ZNF540: variants seen among roughly 807,000 people sequenced by gnomAD.
The protein encoded by ZNF540 is zinc finger protein 540, also known as CTD-3064H18.6.
ZNF540 carries 3 observed loss-of-function variants against 11.8 expected under a neutral mutation model. That is an observed-to-expected ratio of 0.25 (90% CI 0.12 to 0.65). The LOEUF is 0.65. ZNF540 is among the 30% of genes least tolerant of loss of function. ZNF540 has a pLI of 0.83. For missense variants in ZNF540, 709 were observed against 793.1 expected, an observed-to-expected ratio of 0.89 and a Z score of 1.27; for synonymous variants, 247 against 259.0, an observed-to-expected ratio of 0.95 and a Z score of 0.45.
upstream of ZNF540, chr19:37,594,653 C>T (rs2043965008): frequency 6.6e-6 from 1 of 152,354 alleles, no homozygotes; most frequent in African/African-American, 2.4e-5. Flanking sequence ...AGCCAGGACA[C>T]CGGTATTCCC....
At chr19:37,573,239 C>T (rs545904503) in intron 1 of ZNF540, among the ~76,000 whole-genome samples, 1 of 152,222 alleles carries the variant, frequency 6.6e-6, no homozygotes, top group South Asian at 2.1e-4. Context: ...ACATAGCAGC[C>T]TCCAGGCAAT....
intron 1 of ZNF540, among the ~76,000 whole-genome samples, chr19:37,567,137 T>TC (rs1164998556): frequency 6.6e-6 from 1 of 152,180 alleles, no homozygotes; most frequent in East Asian, 1.9e-4. Context: ...TATCAAAACA[T>TC]CCAACACATA....
chr19:37,592,370 C>A (rs1434567737), upstream of ZNF540, among the ~76,000 whole-genome samples: 1 of 152,172 alleles, frequency 6.6e-6, no homozygotes, highest in East Asian at 1.9e-4. Context: ...TTTTTAGATA[C>A]TTTTCTCTAA....
intron 2 of ZNF540, among the ~76,000 whole-genome samples, chr19:37,599,186 A>C (rs2044019791): frequency 6.6e-6 from 1 of 151,548 alleles, no homozygotes; most frequent in Non-Finnish European, 1.5e-5. Flanking sequence ...ATCGATAGAT[A>C]GATAGATAGA....
chr19:37,612,932 A>T lies in ZNF540; in HGVS notation c.1652A>T (p.Tyr551Phe). 6.2e-7 allele frequency: 1 copy of T among 1,614,188 alleles called. No individual in the cohort carries two copies. Among genetic ancestry groups the T allele is most frequent in the Non-Finnish European group, 8.5e-7 (1 of 1,180,006 alleles). ...HLKIHSGLKP[Y>F]DCKECGKSFS... is the part of the protein sequence containing the mutation. ...AAAATTCATTCTGGTTTAAAACCCT[A>T]TGACTGTAAAGAATGTGGGAAGTCC... Residue 551 changes from tyrosine to phenylalanine, a missense_variant, in exon 5 of 5, where the codon TAT becomes TTT. Tyr to Phe is a conservative substitution (Grantham distance 22, BLOSUM62 3). Transcript: ENST00000316433.
At chr19:37,552,984 C>T (rs75321081) in intron 1 of ZNF540, among the ~76,000 whole-genome samples, 52 of 141,710 alleles carry the variant, frequency 3.7e-4, no homozygotes, top group African/African-American at 1.4e-3. Flanking sequence ...TTCACATAGC[C>T]ATTTTGGTAT....
chr19:37,592,084 C>A (rs1370702071), upstream of ZNF540, among the ~76,000 whole-genome samples: 1 of 151,702 alleles, frequency 6.6e-6, no homozygotes, highest in Non-Finnish European at 1.5e-5. Context: ...ATGGTGAAAC[C>A]CCGTCTCTAC....
chr19:37,593,591 T>C (rs1311170279), upstream of ZNF540, among the ~76,000 whole-genome samples: 2 of 152,002 alleles, frequency 1.3e-5, no homozygotes, highest in Admixed American at 6.6e-5. Context: ...TAGTCCCAGC[T>C]ACTCGGGAGG....
Position 37,579,760 on chromosome 19 carries a change from T to C in ZNF540, c.-72-18616T>C, listed in dbSNP as rs575515182. Among the ~76,000 whole-genome samples the C allele has an allele frequency of 4.4e-4, 67 of 152,326 alleles. No homozygotes were observed. In the South Asian group the frequency reaches 0.014, roughly 32 times the overall value. ...CCACTATTAATTGCAGCTGTGCTTT[T>C]ATTACTCTCTCTCCCAGTACTAGCA... On this transcript the variant is annotated intron_variant, in intron 1 of 4. Coordinates refer to the ZNF540 transcript ENST00000592533.
At position 37,565,501 on chromosome 19, in the gene ZNF540, A is replaced by G. The variant is rs139843301; in HGVS notation, c.-73+13836A>G. 2.5e-5 allele frequency: 41 copies of G among 1,613,784 alleles called. No individual in the cohort carries two copies. The African/African-American group carries it at 4.9e-4, about 19-fold the overall frequency. Reference sequence around the variant, plus strand: ...GAATAAAGGCCTTTCCACATTCCTTACACTCATAAGGTTTCTCACCACTAT... The same window carrying G: ...GAATAAAGGCCTTTCCACATTCCTTGCACTCATAAGGTTTCTCACCACTAT... On this transcript the variant is annotated intron_variant, in intron 1 of 4. Transcript: ENST00000592533.
At chr19:37,578,819 C>T (rs961146138) in intron 1 of ZNF540, among the ~76,000 whole-genome samples, 5 of 152,196 alleles carry the variant, frequency 3.3e-5, no homozygotes, top group African/African-American at 1.2e-4. Context: ...CTGCAGCAAC[C>T]GCACCTCCGC....
At chr19:37,575,486 GACA>G (rs1330598824) in intron 1 of ZNF540, 2 of 152,118 alleles carry the variant, frequency 1.3e-5, no homozygotes, top group Non-Finnish European at 2.9e-5. Context: ...ATCAATCCTT[GACA>G]ACAAGCTTAT....
chr19:37,561,466 G>T (rs2042716996), intron 1 of ZNF540, among the ~76,000 whole-genome samples: 1 of 152,158 alleles, frequency 6.6e-6, no homozygotes, highest in Admixed American at 6.5e-5. Context: ...ACAAGCCAAA[G>T]ATATTAATAA....
intron 1 of ZNF540, among the ~76,000 whole-genome samples, chr19:37,588,844 G>A (rs943110131): frequency 6.6e-6 from 1 of 152,090 alleles, no homozygotes; most frequent in African/African-American, 2.4e-5. Flanking sequence ...AGGTAAAATT[G>A]GAACCCCATT....
chr19:37,601,119 T>C lies in ZNF540; in HGVS notation c.232+14T>C. On this transcript the variant is annotated intron_variant, in intron 4 of 4. Transcript: ENST00000316433. ...GACAGTGCCCCGGTGAGTTGAGAGTTCATCAGGCAGATGGAAGCCCTCATT... is the reference window on the plus strand; with the variant it reads ...GACAGTGCCCCGGTGAGTTGAGAGTCCATCAGGCAGATGGAAGCCCTCATT... 3 of 1,547,650 alleles carry C rather than the reference T, an allele frequency of 1.9e-6. No individual in the cohort carries two copies. The highest frequency in any genetic ancestry group is 1.2e-5 in the South Asian group (1 of 84,408).
chr19:37,561,623 A>T (rs2042718401), intron 1 of ZNF540, among the ~76,000 whole-genome samples: 1 of 152,198 alleles, frequency 6.6e-6, no homozygotes, highest in African/African-American at 2.4e-5. Flanking sequence ...AAATTTGGTT[A>T]TGCACTGTAT....
chr19:37,564,875 C>T, intron 1 of ZNF540: 1 of 1,613,972 alleles, frequency 6.2e-7, no homozygotes, highest in Non-Finnish European at 8.5e-7. Context: ...CTGATGTTCA[C>T]TAAGTTGTGA....
intron 1 of ZNF540, chr19:37,586,603 A>C (rs185662778): frequency 2.5e-4 from 404 of 1,590,412 alleles, no homozygotes; most frequent in Admixed American, 1.1e-3. Flanking sequence ...TTCTGGGATA[A>C]ATCTGGTGTT....
At chr19:37,587,899 G>A (rs1402592790) in intron 1 of ZNF540, among the ~76,000 whole-genome samples, 8 of 151,822 alleles carry the variant, frequency 5.3e-5, no homozygotes, top group Admixed American at 5.2e-4. Flanking sequence ...ATCACTTGAG[G>A]TCAGGAGTTC....
Sources: allele counts gnomAD v4.1 joint callset (sites outside exome capture counted in the v4.1 genomes callset), GRCh38; gene constraint gnomAD v4.1.1; transcripts MANE v1.5; gene names NCBI Gene and HGNC (gene_info 2026-07-23, HGNC 2026-07-21).